DLGAP2: variants seen among roughly 807,000 people sequenced by gnomAD.
DLGAP2 encodes the protein disks large-associated protein 2.
In DLGAP2, 26 loss-of-function variants were observed where a neutral mutation model predicts 100.3. That is an observed-to-expected ratio of 0.26 (90% CI 0.19 to 0.36). The LOEUF is 0.36. Among genes scored for constraint, DLGAP2 ranks in the 10% least tolerant of loss-of-function variants. The probability of loss-of-function intolerance (pLI) is 1.00; values close to 1 mark genes in which losing one functional copy is unlikely to be tolerated. For missense variants in DLGAP2, 1,858 were observed against 1,453.2 expected, an observed-to-expected ratio of 1.28 and a Z score of -4.53; for synonymous variants, 886 against 630.1, an observed-to-expected ratio of 1.41 and a Z score of -6.08.
chr8:947,181 T>C (rs974080245), intron 2 of DLGAP2, among the ~76,000 whole-genome samples: 1 of 152,186 alleles, frequency 6.6e-6, no homozygotes, highest in Non-Finnish European at 1.5e-5. Flanking sequence ...ACAGTTGTTC[T>C]TACTGTAAGA....
At chr8:1,110,047 T>C (rs1189337593) in intron 2 of DLGAP2, among the ~76,000 whole-genome samples, 1 of 138,674 alleles carries the variant, frequency 7.2e-6, no homozygotes, top group Admixed American at 7.2e-5. Context: ...CTATGAAGTG[T>C]GCTGGGTCTG....
At chr8:792,425 A>G (rs904624326) in intron 1 of DLGAP2, among the ~76,000 whole-genome samples, 15 of 152,220 alleles carry the variant, frequency 9.9e-5, no homozygotes, top group African/African-American at 2.4e-5. Context: ...CACAGTGCTG[A>G]ATACTAAAAT....
rs369770730 is a variant in DLGAP2, at chr8:1,392,699, G to T, written c.107-108667G>T. Among the ~76,000 whole-genome samples the T allele has an allele frequency of 1.4e-4, 21 of 152,320 alleles. No individual in the cohort carries two copies. In the East Asian group the frequency reaches 2.1e-3, roughly 15 times the overall value. On this transcript the variant is annotated intron_variant, in intron 3 of 14. Transcript: ENST00000637795. Reference sequence around the variant, plus strand: ...TGGGGACTGGGCCAGGCCTGGGTCAGCACATCTGCGTTTCAGTGGAAGTGC... The same window carrying T: ...TGGGGACTGGGCCAGGCCTGGGTCATCACATCTGCGTTTCAGTGGAAGTGC...
intron 2 of DLGAP2, among the ~76,000 whole-genome samples, chr8:1,200,970 C>T (rs1439866665): frequency 5.9e-5 from 9 of 152,196 alleles, no homozygotes; most frequent in Admixed American, 5.9e-4. Context: ...GCGCTGCGCT[C>T]GGCCTTAGGG....
chr8:772,085 G>C (rs765960089), intron 1 of DLGAP2, among the ~76,000 whole-genome samples: 3 of 151,914 alleles, frequency 2.0e-5, no homozygotes, highest in Admixed American at 6.6e-5. Flanking sequence ...ATTTTTTGTA[G>C]AGACAAGGTC....
rs149526085 is a variant in DLGAP2 at position 1,091,951 on chromosome 8, A to T, written c.74-166900A>T. On this transcript the variant is annotated intron_variant, in intron 2 of 14. Transcript: ENST00000637795. ...TAGCGGCCCAGCCTCTGGGAGTTCC[A>T]TGTCGTCTGCCACTTCTGCCCCACG... Among the ~76,000 whole-genome samples the T allele has an allele frequency of 9.6e-4, 146 of 152,084 alleles. 1 individual carries two copies. The highest frequency in any genetic ancestry group is 3.3e-3 in the African/African-American group (136 of 41,466).
intron 3 of DLGAP2, among the ~76,000 whole-genome samples, chr8:1,425,307 A>G (rs897046606): frequency 6.6e-6 from 1 of 152,192 alleles, no homozygotes; most frequent in East Asian, 1.9e-4. Flanking sequence ...TGGGGGGTTC[A>G]TAAAAGCATG....
intron 4 of DLGAP2, among the ~76,000 whole-genome samples, chr8:1,536,826 A>G (rs1801168535): frequency 1.3e-5 from 2 of 152,026 alleles, no homozygotes; most frequent in Admixed American, 1.3e-4. Context: ...CTTTGACACC[A>G]TTGAACTAAT....
chr8:1,122,061 C>A (rs781223594), intron 2 of DLGAP2, among the ~76,000 whole-genome samples: 1 of 152,138 alleles, frequency 6.6e-6, no homozygotes, highest in Non-Finnish European at 1.5e-5. Flanking sequence ...CGTGGTAATG[C>A]CCCAAGCCAT....
chr8:1,570,545 G>C (rs75228254), intron 6 of DLGAP2, among the ~76,000 whole-genome samples: 20 of 152,346 alleles, frequency 1.3e-4, no homozygotes, highest in African/African-American at 4.8e-4. Context: ...AGAAGGCTCA[G>C]TTGGATTTCA....
intron 2 of DLGAP2, among the ~76,000 whole-genome samples, chr8:964,965 C>T (rs1164962863): frequency 6.6e-6 from 1 of 152,212 alleles, no homozygotes; most frequent in African/African-American, 2.4e-5. Context: ...CTCCTGAGCC[C>T]AACCCCCGCG....
intron 2 of DLGAP2, among the ~76,000 whole-genome samples, chr8:1,046,041 A>G (rs1001000248): frequency 3.3e-5 from 5 of 152,190 alleles, no homozygotes; most frequent in Non-Finnish European, 7.3e-5. Context: ...GTGCAATTCA[A>G]TTTTGTCGAA....
intron 2 of DLGAP2, among the ~76,000 whole-genome samples, chr8:1,000,408 C>A (rs914294036): frequency 6.1e-5 from 9 of 147,236 alleles, no homozygotes; most frequent in African/African-American, 2.3e-4. Flanking sequence ...TTTTCTTTTG[C>A]ACCGGATTTT....
intron 2 of DLGAP2, among the ~76,000 whole-genome samples, chr8:932,073 T>C (rs985776948): frequency 6.6e-6 from 1 of 152,246 alleles, no homozygotes; most frequent in East Asian, 1.9e-4. Context: ...AAACATGTAC[T>C]GTAAGACCTC....
At chr8:1,554,914 T>C (rs943315964) in intron 5 of DLGAP2, among the ~76,000 whole-genome samples, 25 of 152,294 alleles carry the variant, frequency 1.6e-4, no homozygotes, top group African/African-American at 5.8e-4. Context: ...TTTGTAGTTT[T>C]AGGGGCAAAA....
At chr8:1,024,299 C>T (rs1190751768) in intron 2 of DLGAP2, among the ~76,000 whole-genome samples, 3 of 135,132 alleles carry the variant, frequency 2.2e-5, no homozygotes, top group East Asian at 2.2e-4. Context: ...GGTGGACAGT[C>T]CCGTGCCGAG....
At chr8:1,662,134 T>G (rs1364563458) in intron 8 of DLGAP2, among the ~76,000 whole-genome samples, 5 of 152,240 alleles carry the variant, frequency 3.3e-5, no homozygotes, top group Admixed American at 6.5e-5. Flanking sequence ...CCACACACCT[T>G]TCCTATGAAC....
intron 1 of DLGAP2, among the ~76,000 whole-genome samples, chr8:896,966 C>T (rs931796417): frequency 3.9e-5 from 6 of 152,096 alleles, no homozygotes; most frequent in Middle Eastern, 6.3e-3. Context: ...GGGGTGAAGT[C>T]GCCCCAAGTT....
intron 8 of DLGAP2, among the ~76,000 whole-genome samples, chr8:1,661,754 C>A (rs974032292): frequency 3.9e-5 from 6 of 152,150 alleles, no homozygotes; most frequent in Admixed American, 1.3e-4. Flanking sequence ...GAAAGGAACT[C>A]AGATAAGACA....
Sources: allele counts gnomAD v4.1 joint callset (sites outside exome capture counted in the v4.1 genomes callset), GRCh38; gene constraint gnomAD v4.1.1; transcripts MANE v1.5; gene names NCBI Gene and HGNC (gene_info 2026-07-23, HGNC 2026-07-21).